Variants in COL4A4 observed in about 807,000 individuals in gnomAD.
The protein encoded by COL4A4 is collagen alpha-4(IV) chain.
A neutral mutation model predicts 192.9 loss-of-function variants in COL4A4; 105 were observed. The observed-to-expected ratio is 0.54, with a 90% CI of 0.46 to 0.64. The LOEUF (loss-of-function observed/expected upper bound fraction) is 0.64, where lower values mean the gene tolerates loss of function less well. COL4A4 is among the 30% of genes least tolerant of loss of function. The pLI is 0.00. For missense variants in COL4A4, 1,967 were observed against 2,169.3 expected (o/e 0.91, Z 1.85); for synonymous variants, 762 against 769.9 (o/e 0.99, Z 0.17).
the COL4A4 span, chr2:226,988,278 T>G: frequency 6.6e-7 from 1 of 1,518,412 alleles, no homozygotes; most frequent in Admixed American, 2.1e-5. Context: ...GAGGCCACTG[T>G]AAGTCTCTTC....
At chr2:226,979,092 G>T in the COL4A4 span, among the ~76,000 whole-genome samples, 1 of 152,104 alleles carries the variant, frequency 6.6e-6, no homozygotes, top group African/African-American at 2.4e-5. Flanking sequence ...TATTCGTGTG[G>T]CTCATTCCCA....
At chr2:227,049,644 C>T (rs757022795) in intron 34 of COL4A4, among the ~76,000 whole-genome samples, 1 of 152,264 alleles carries the variant, frequency 6.6e-6, no homozygotes, top group Non-Finnish European at 1.5e-5. Flanking sequence ...GCTTTAGCCT[C>T]TATGTCCTAA....
chr2:226,970,572 C>T, the COL4A4 span, among the ~76,000 whole-genome samples: 1 of 152,180 alleles, frequency 6.6e-6, no homozygotes, highest in Non-Finnish European at 1.5e-5. Flanking sequence ...CATTTCTCTT[C>T]TCAGGGGCTG....
At chr2:227,130,877 T>G (rs2062410068) in intron 4 of COL4A4, among the ~76,000 whole-genome samples, 1 of 152,068 alleles carries the variant, frequency 6.6e-6, no homozygotes, top group African/African-American at 2.4e-5. Context: ...GTGAGTCTCC[T>G]CATTCCTATC....
intron 1 of COL4A4, among the ~76,000 whole-genome samples, chr2:227,148,716 TA>T (rs1441875556): frequency 4.6e-5 from 7 of 152,190 alleles, no homozygotes; most frequent in Non-Finnish European, 8.8e-5. Flanking sequence ...TTTACTTTGA[TA>T]AAAGATATAT....
intron 43 of COL4A4, among the ~76,000 whole-genome samples, chr2:227,024,282 G>A (rs775521588): frequency 3.3e-5 from 5 of 152,178 alleles, no homozygotes; most frequent in East Asian, 1.9e-4. Context: ...AGGCCGAGGC[G>A]GGTGGACTGC....
chr2:227,010,523 A>G, intron 45 of COL4A4, 22 bp from the exon 46 acceptor site: 1 of 1,524,138 alleles, frequency 6.6e-7, no homozygotes, highest in Non-Finnish European at 8.8e-7. Context: ...AAGGAAAAAA[A>G]TTGAAGGCAG....
chr2:227,033,435 A>G lies in COL4A4; in HGVS notation c.3552T>C (p.Gly1184=), dbSNP rs1575931514. 2 of 1,613,358 alleles carry G rather than the reference A, an allele frequency of 1.2e-6. No homozygotes were observed. The highest frequency in any genetic ancestry group is 1.1e-5 in the South Asian group (1 of 91,072). Residue 1184 remains glycine (G), a synonymous_variant, in exon 38 of 48, where the codon GGT becomes GGC. Transcript: ENST00000396625. ...PGLNGLHGLK[G]QKGTKGASGL... is the part of the protein sequence containing the mutation. ...CTGAAGCACCTTTAGTTCCTTTCTG[A>G]CCTTTCAATCCATGCAAGCCGTTCA...
intron 27 of COL4A4, among the ~76,000 whole-genome samples, chr2:227,059,909 A>C (rs10172633): frequency 6.6e-6 from 1 of 152,134 alleles, no homozygotes; most frequent in African/African-American, 2.4e-5. Flanking sequence ...ATAATAGCCC[A>C]CAACTTATGC....
At chr2:227,149,144 T>C (rs548724436) in intron 1 of COL4A4, among the ~76,000 whole-genome samples, 21 of 152,284 alleles carry the variant, frequency 1.4e-4, no homozygotes, top group Non-Finnish European at 2.5e-4. Context: ...CCACTGCACC[T>C]GGCCATTACC....
intron 1 of COL4A4, among the ~76,000 whole-genome samples, chr2:227,149,976 C>T (rs2063816107): frequency 6.6e-6 from 1 of 152,226 alleles, no homozygotes; most frequent in Admixed American, 6.5e-5. Flanking sequence ...ATTCTCATCA[C>T]ATGTCCTTGG....
At position 227,032,162 on chromosome 2, in the gene COL4A4, G is replaced by T; in HGVS notation, c.3692C>A (p.Pro1231His). 6.2e-7 allele frequency: 1 copy of T among 1,614,136 alleles called. No homozygotes were observed. Among genetic ancestry groups the T allele is most frequent in the Non-Finnish European group, 8.5e-7 (1 of 1,179,994 alleles). The change falls in exon 39 of 48, where the codon CCC becomes CAC. Residue 1231 changes from proline (P) to histidine (H), a missense_variant. Transcript: ENST00000396625. ...SPPGPRGKKG[P>H]PGPPGSSGPP... ...CTACAGCTTACCTGGGGGTCCTGGG[G>T]GACCTTTCTTTCCACGAGGACCTGG...
intron 16 of COL4A4, 133 bp from the exon 17 acceptor site, chr2:227,101,690 C>T (rs1269977907): frequency 5.5e-6 from 6 of 1,091,000 alleles, no homozygotes; most frequent in South Asian, 1.4e-5. Flanking sequence ...TCAGTTGCAT[C>T]AGACAATCTT....
intron 40 of COL4A4, among the ~76,000 whole-genome samples, 185 bp downstream of exon 40, chr2:227,031,760 A>C (rs1401719053): frequency 1.3e-5 from 2 of 152,144 alleles, no homozygotes; most frequent in Non-Finnish European, 2.9e-5. Flanking sequence ...GGTCCTGGAT[A>C]TGGTCCTGAG....
chr2:227,094,272 C>T lies in COL4A4; in HGVS notation c.1222G>A (p.Gly408Arg). The change falls in exon 20 of 48, where the codon GGG (glycine) becomes AGG (arginine). Residue 408 changes from glycine to arginine, a missense_variant. Coordinates refer to ENST00000396625, the MANE Select transcript of COL4A4 (RefSeq NM_000092.5). Reference sequence around the variant, plus strand: ...GGAAGACCAGGAAATCCTTGTGGCCCAGGGGGTCCTATCATGCCTGCAAGA... The same window carrying T: ...GGAAGACCAGGAAATCCTTGTGGCCTAGGGGGTCCTATCATGCCTGCAAGA... ...EACAGMIGPP[G>R]PQGFPGLPGL... 6.2e-7 allele frequency: 1 copy of T among 1,613,766 alleles called. No individual in the cohort carries two copies. Among genetic ancestry groups the T allele is most frequent in the Non-Finnish European group, 8.5e-7 (1 of 1,179,892 alleles).
chr2:227,042,086 A>G, intron 37 of COL4A4, 62 bp downstream of exon 37: 1 of 1,014,204 alleles, frequency 9.9e-7, no homozygotes, highest in Non-Finnish European at 1.6e-6. Context: ...GGAAAAAAAC[A>G]CCATCAATTT....
At chr2:227,153,192 G>A (rs1206241025) in intron 1 of COL4A4, among the ~76,000 whole-genome samples, 1 of 152,136 alleles carries the variant, frequency 6.6e-6, no homozygotes, top group African/African-American at 2.4e-5. Context: ...CTCCCACTGG[G>A]TCCCTCTCAG....
chr2:227,054,062 A>C (rs1974783521), intron 31 of COL4A4, among the ~76,000 whole-genome samples: 2 of 152,202 alleles, frequency 1.3e-5, no homozygotes, highest in South Asian at 4.1e-4. Context: ...CATGGTGTGA[A>C]AATTATATGA....
At chr2:227,091,165 A>C (rs1306261343) in intron 20 of COL4A4, among the ~76,000 whole-genome samples, 1 of 152,054 alleles carries the variant, frequency 6.6e-6, no homozygotes, top group Non-Finnish European at 1.5e-5. Context: ...AAAACAGAAG[A>C]TGAGGGAGAG....
Sources: gnomAD v4.1 joint callset for allele counts (sites outside exome capture counted in the v4.1 genomes callset) on GRCh38, gnomAD v4.1.1 for gene constraint, MANE v1.5 for transcripts, NCBI Gene and HGNC (gene_info 2026-07-23, HGNC 2026-07-21) for gene names.